MID1: variants seen among roughly 807,000 people sequenced by gnomAD.
MID1 encodes midline 1, also known as E3 ubiquitin-protein ligase Midline-1.
MID1 carries 7 observed loss-of-function variants against 40.4 expected under a neutral mutation model. The observed-to-expected ratio is 0.17, with a 90% confidence interval of 0.10 to 0.33. The LOEUF (loss-of-function observed/expected upper bound fraction) is 0.33, where lower values mean the gene tolerates loss of function less well. MID1 is among the 10% of genes least tolerant of loss of function. The pLI, the probability that MID1 is intolerant of heterozygous loss-of-function variation, is 1.00. For synonymous variants in MID1, 229 were observed against 221.2 expected (o/e 1.04, Z -0.31); for missense variants, 367 against 558.5 (o/e 0.66, Z 3.46).
At chrX:10,516,804 C>T (rs1042710671) in intron 3 of MID1, among the ~76,000 whole-genome samples, 13 of 109,378 alleles carry the variant, frequency 1.2e-4, no homozygotes, top group Admixed American at 2.0e-4. Context: ...TTTGTAGAGA[C>T]GAGGTCTCAC....
In MID1 at chrX:10,567,065, C is replaced by T. The variant is rs984576730; in HGVS notation, c.483G>A (p.Leu161=). ...TGTGAGAGTCCGGAATTGGCTCAAT[C>T]AGACGATGGCCTGTAAAGGGCTTCT... The part of the protein sequence containing the change: ...PNKKPFTGHR[L]IEPIPDSHIR... Residue 161 remains leucine (L), a synonymous_variant, in exon 2 of 10, where the codon CTG becomes CTA. Transcript: ENST00000317552. 8.3e-7 allele frequency: 1 copy of T among 1,211,924 alleles called. No individual in the cohort carries two copies. Among genetic ancestry groups the T allele is most frequent in the South Asian group, 1.8e-5 (1 of 56,995 alleles).
At chrX:10,529,781 T>C (rs1473434514) in intron 2 of MID1, among the ~76,000 whole-genome samples, 1 of 111,929 alleles carries the variant, frequency 8.9e-6, no homozygotes, top group African/African-American at 3.2e-5. Context: ...ACAGGATGTA[T>C]TGAGTACTTG....
At chrX:10,651,204 G>T (rs187965704) in intron 1 of MID1, among the ~76,000 whole-genome samples, 2 of 111,922 alleles carry the variant, frequency 1.8e-5, no homozygotes, top group Admixed American at 1.9e-4. Flanking sequence ...CAGAGAATAT[G>T]TGGAAGAGCT....
At chrX:10,711,993 C>T (rs148878846) in intron 1 of MID1, among the ~76,000 whole-genome samples, 3,031 of 111,985 alleles carry the variant, frequency 0.027, 34 homozygotes, top group African/African-American at 0.043. Context: ...AAAGAATTAC[C>T]GGCCCCAATT....
intron 1 of MID1, among the ~76,000 whole-genome samples, chrX:10,667,214 T>G (rs1277555783): frequency 2.7e-5 from 3 of 111,714 alleles, no homozygotes; most frequent in African/African-American, 9.8e-5. Context: ...TGTAATCATC[T>G]CCTCTGTGAA....
intron 1 of MID1, among the ~76,000 whole-genome samples, chrX:10,765,014 C>A (rs1390985452): frequency 8.9e-6 from 1 of 111,942 alleles, no homozygotes; most frequent in African/African-American, 3.3e-5. Context: ...GGCTCTCACA[C>A]AAACCCAATA....
intron 1 of MID1, among the ~76,000 whole-genome samples, chrX:10,608,057 C>T (rs1935658655): frequency 8.9e-6 from 1 of 112,110 alleles, no homozygotes; most frequent in Admixed American, 9.4e-5. Flanking sequence ...AATGAGACAC[C>T]ACTACACACC....
intron 1 of MID1, among the ~76,000 whole-genome samples, chrX:10,810,367 G>C (rs1006992278): frequency 2.7e-5 from 3 of 112,001 alleles, no homozygotes; most frequent in African/African-American, 6.5e-5. Flanking sequence ...TAAAGGTCCT[G>C]AATAAAATTC....
At chrX:10,589,878 ACTC>A (rs1935244226) in intron 1 of MID1, 1 of 108,470 alleles carries the variant, frequency 9.2e-6, no homozygotes, top group African/African-American at 3.4e-5. Flanking sequence ...CGCAGACAAA[ACTC>A]CTCAGACACC....
chrX:10,828,488 AAGTG>A (rs951771580), intron 1 of MID1, among the ~76,000 whole-genome samples: 4 of 111,762 alleles, frequency 3.6e-5, no homozygotes, highest in African/African-American at 1.3e-4. Context: ...AATAAGTATG[AAGTG>A]AGTATTTTTT....
chrX:10,709,404 A>G (rs763457423), intron 1 of MID1, among the ~76,000 whole-genome samples: 2 of 112,318 alleles, frequency 1.8e-5, no homozygotes, highest in South Asian at 3.7e-4. Context: ...AATGAACTGC[A>G]TGGTTGTTAT....
At chrX:10,546,397 C>T (rs1446119641) in intron 2 of MID1, among the ~76,000 whole-genome samples, 2 of 112,081 alleles carry the variant, frequency 1.8e-5, no homozygotes, top group African/African-American at 3.2e-5. Flanking sequence ...TATAAATCAT[C>T]GTTCAATAAG....
intron 1 of MID1, among the ~76,000 whole-genome samples, chrX:10,598,626 T>C (rs1157844014): frequency 8.9e-6 from 1 of 112,265 alleles, no homozygotes; most frequent in Non-Finnish European, 1.9e-5. Context: ...TGCTGTTGCT[T>C]TGAGGTTGGA....
chrX:10,790,806 A>G (rs2043925015), intron 1 of MID1, among the ~76,000 whole-genome samples: 3 of 111,908 alleles, frequency 2.7e-5, no homozygotes, highest in Non-Finnish European at 5.6e-5. Flanking sequence ...TCAATTTTAA[A>G]TCAGTTTTTC....
chrX:10,613,732 T>TATATATATAGAGAG (rs1482081086), intron 1 of MID1, among the ~76,000 whole-genome samples: 2 of 17,482 alleles, frequency 1.1e-4, no homozygotes, highest in East Asian at 2.9e-3. Flanking sequence ...TATATATATA[T>TATATATATAGAGAG]AGAGAGAGAG....
At chrX:10,578,995 T>C (rs962909329) in intron 1 of MID1, among the ~76,000 whole-genome samples, 1 of 112,616 alleles carries the variant, frequency 8.9e-6, no homozygotes, top group Non-Finnish European at 1.9e-5. Context: ...TTATATACAA[T>C]GTGCATGTAT....
chrX:10,782,305 G>A (rs1490194739), intron 1 of MID1, among the ~76,000 whole-genome samples: 10 of 111,619 alleles, frequency 9.0e-5, no homozygotes, highest in Non-Finnish European at 1.9e-4. Context: ...CCTGTCTGCC[G>A]CCCTTAGTTC....
At chrX:10,729,634 A>G (rs1285146888) in intron 1 of MID1, among the ~76,000 whole-genome samples, 1 of 111,945 alleles carries the variant, frequency 8.9e-6, no homozygotes, top group Non-Finnish European at 1.9e-5. Context: ...AAACCACTCA[A>G]CTGGTCATTT....
In MID1 at chrX:10,685,877, T is replaced by TACACACACACACAC. The variant is rs56245034; in HGVS notation, c.-186-65472_-186-65459dup. Among the ~76,000 whole-genome samples the TACACACACACACAC allele has an allele frequency of 2.9e-3, 234 of 80,476 alleles. 9 individuals carry two copies. Among genetic ancestry groups the TACACACACACACAC allele is most frequent in the African/African-American group, 0.011 (221 of 20,789 alleles). 69.9% of individuals were successfully genotyped at this position (80,476 alleles called of 115,157 possible). ...TCGGCCCCTACACCCCACATACTCATACACACACACACACACACACACACA... is the reference window on the plus strand; with the variant it reads ...TCGGCCCCTACACCCCACATACTCATACACACACACACACACACACACACACACACACACACACA... On this transcript the variant is annotated intron_variant, in intron 1 of 10. Coordinates refer to the MID1 transcript ENST00000380785.
Sources: gnomAD v4.1 joint callset for allele counts (sites outside exome capture counted in the v4.1 genomes callset) on GRCh38, gnomAD v4.1.1 for gene constraint, MANE v1.5 for transcripts, NCBI Gene and HGNC (gene_info 2026-07-23, HGNC 2026-07-21) for gene names.